Variants in CDC42BPB observed in about 807,000 individuals in gnomAD.
The protein encoded by CDC42BPB is CDC42 binding protein kinase beta, also known as serine/threonine-protein kinase MRCK beta.
A neutral mutation model predicts 214.9 loss-of-function variants in CDC42BPB; 37 were observed. The ratio of observed to expected loss-of-function variants is 0.17; its 90% CI spans 0.13 to 0.23. CDC42BPB has a LOEUF of 0.23. Among genes scored for constraint, CDC42BPB ranks in the 10% least tolerant of loss-of-function variants. The pLI is 1.00. For missense variants in CDC42BPB, 1,694 were observed against 2,227.0 expected (o/e 0.76, Z 4.82); for synonymous variants, 931 against 884.0 (o/e 1.05, Z -0.94).
chr14:103,046,889 G>C (rs1292037607), intron 1 of CDC42BPB, among the ~76,000 whole-genome samples: 1 of 151,866 alleles, frequency 6.6e-6, no homozygotes. Context: ...CCTGAGAGTT[G>C]ATCCACCTGC....
chr14:102,983,883 C>T (rs1009166675), intron 6 of CDC42BPB, 127 bp from the exon 7 acceptor site: 29 of 1,455,038 alleles, frequency 2.0e-5, no homozygotes, highest in South Asian at 5.7e-5. Flanking sequence ...GATGAATGAT[C>T]GTGTTTTTTA....
At chr14:102,997,000 A>G (rs909618341) in intron 5 of CDC42BPB, among the ~76,000 whole-genome samples, 1 of 152,124 alleles carries the variant, frequency 6.6e-6, no homozygotes, top group Non-Finnish European at 1.5e-5. Context: ...GAGGCTAAGG[A>G]AAGGCGCCCA....
At position 103,057,198 on chromosome 14, in the gene CDC42BPB, G is replaced by A; in HGVS notation, c.-25C>T. The A allele has an allele frequency of 7.4e-7, 1 of 1,354,246 alleles. No homozygotes were observed. Among genetic ancestry groups the A allele is most frequent in the Non-Finnish European group, 9.5e-7 (1 of 1,047,394 alleles). 83.9% of individuals were successfully genotyped at this position (1,354,246 alleles called of 1,614,324 possible). A position where few individuals can be genotyped will look rare whatever the true frequency, so the allele number is the denominator to read the frequency against. On this transcript the variant is annotated 5_prime_UTR_variant, in exon 1 of 37. Transcript: ENST00000361246. The stretch of plus-strand genomic sequence containing the variant: ...TGGTGCCGCGCGGCCCGCTCCCGAC[G>A]CGCCGGCCTCTCACCGCCGGCTCGG...
At chr14:103,003,813 C>G in intron 4 of CDC42BPB, 115 bp downstream of exon 4, 2 of 761,574 alleles carry the variant, frequency 2.6e-6, no homozygotes, top group South Asian at 4.0e-5. Context: ...TTATCGAGTC[C>G]AATACACATT....
Position 102,933,805 on chromosome 14 carries a change from A to G in CDC42BPB, c.5043T>C (p.Asn1681=), listed in dbSNP as rs933824918. ...TCGGTGGGCCGCTGGGGTTGGAGCT[A>G]TTCGATGGAGTTGAGTGTTTGGTGG... The part of the protein sequence containing the change: ...SDSTKHSTPS[N]SSNPSGPPSP... The change falls in exon 37 of 37, where the codon AAT becomes AAC. Residue 1681 remains asparagine, a synonymous_variant. Coordinates refer to ENST00000361246, the MANE Select transcript of CDC42BPB (RefSeq NM_006035.4). 7.3e-6 allele frequency: 11 copies of G among 1,514,328 alleles called. No homozygotes were observed. In the African/African-American group the frequency reaches 1.3e-4, roughly 18 times the overall value. The allele number at this position is 1,514,328 out of a possible 1,614,324, so 93.8% of individuals were successfully genotyped here. A position where few individuals can be genotyped will look rare whatever the true frequency, so the allele number is the denominator to read the frequency against.
In CDC42BPB at chr14:102,972,129, G is replaced by C; in HGVS notation, c.1674C>G (p.Ser558=). The change falls in exon 13 of 37, where the codon TCC becomes TCG. Residue 558 remains serine, a synonymous_variant. Coordinates refer to ENST00000361246, the MANE Select transcript of CDC42BPB (RefSeq NM_006035.4). ...QLVEASERLK[S]QAKELKDAHQ... is the part of the protein sequence containing the mutation. ...GGGCATCTTTGAGTTCCTTGGCCTGGGATTTCAACCGCTCTGAGGCTTCAA... is the reference window on the plus strand; with the variant it reads ...GGGCATCTTTGAGTTCCTTGGCCTGCGATTTCAACCGCTCTGAGGCTTCAA... 1 of 1,614,248 alleles carries C rather than the reference G, an allele frequency of 6.2e-7. No homozygotes were observed. Among genetic ancestry groups the C allele is most frequent in the Admixed American group, 1.7e-5 (1 of 60,030 alleles).
chr14:102,979,266 T>C (rs1415935563), intron 8 of CDC42BPB, among the ~76,000 whole-genome samples: 1 of 150,464 alleles, frequency 6.6e-6, no homozygotes, highest in African/African-American at 2.4e-5. Context: ...CAGGCCGGAG[T>C]GCAGTGGCGT....
Position 102,962,692 on chromosome 14 carries a change from A to C in CDC42BPB, c.2821+369T>G, listed in dbSNP as rs1893014737. 2.0e-5 allele frequency among the ~76,000 whole-genome samples: 3 copies of C among 152,008 alleles called. No homozygotes were observed. In the South Asian group the frequency reaches 6.2e-4, roughly 31 times the overall value. On this transcript the variant is annotated intron_variant, in intron 20 of 36. Coordinates refer to ENST00000361246, the MANE Select transcript of CDC42BPB (RefSeq NM_006035.4). ...TGGCAAAACCCCATCTCTACTAAAA[A>C]TACAAAAATTAGCCAGGGGTGGTGG... is the stretch of plus-strand genomic sequence containing the variant.
chr14:102,943,248 A>G lies in CDC42BPB; in HGVS notation c.4408+643T>C, dbSNP rs535759471. 2.0e-5 allele frequency among the ~76,000 whole-genome samples: 3 copies of G among 152,268 alleles called. No individual in the cohort carries two copies. The highest frequency in any genetic ancestry group is 4.1e-4 in the South Asian group (2 of 4,824). On this transcript the variant is annotated intron_variant, in intron 30 of 36. Transcript: ENST00000361246. The surrounding 1 kb of genome is among the most constrained non-coding windows in gnomAD (Gnocchi z 4.6). ...CTCAGTCTCGCACAGTGCTGGGATT[A>G]CAGGTGTGAGCCACCGCTCTCCACC...
At chr14:102,978,015 C>T in intron 9 of CDC42BPB, 111 bp downstream of exon 9, 1 of 776,056 alleles carries the variant, frequency 1.3e-6, no homozygotes, top group Non-Finnish European at 2.2e-6. Context: ...GTAATGGCCT[C>T]CCAGCGCACA....
At chr14:102,934,615 G>A (rs1891556100) in intron 36 of CDC42BPB, among the ~76,000 whole-genome samples, 1 of 151,944 alleles carries the variant, frequency 6.6e-6, no homozygotes, top group South Asian at 2.1e-4. Context: ...AGTCACAAAC[G>A]CGACACTCTT....
intron 1 of CDC42BPB, among the ~76,000 whole-genome samples, chr14:103,016,126 A>C (rs1279499524): frequency 6.6e-6 from 1 of 152,226 alleles, no homozygotes; most frequent in Non-Finnish European, 1.5e-5. Flanking sequence ...CTGAGCTCAA[A>C]GGCAGCCCCA....
intron 5 of CDC42BPB, among the ~76,000 whole-genome samples, chr14:102,997,946 A>C (rs747330068): frequency 1.3e-5 from 2 of 152,218 alleles, no homozygotes; most frequent in Non-Finnish European, 2.9e-5. Context: ...AGAGTTCAAG[A>C]CCAGCCTGGC....
intron 24 of CDC42BPB, among the ~76,000 whole-genome samples, chr14:102,951,418 T>G (rs1234117651): frequency 6.6e-6 from 1 of 152,212 alleles, no homozygotes; most frequent in Non-Finnish European, 1.5e-5. Flanking sequence ...GTTGCTCATC[T>G]GTGAAATGGG....
intron 4 of CDC42BPB, among the ~76,000 whole-genome samples, chr14:103,003,614 G>A (rs1253642641): frequency 1.3e-5 from 2 of 152,188 alleles, no homozygotes; most frequent in African/African-American, 4.8e-5. Flanking sequence ...TCCCCACTGC[G>A]GTTCCTTATT....
chr14:102,997,679 A>C (rs1448371757), intron 5 of CDC42BPB, among the ~76,000 whole-genome samples: 2 of 152,264 alleles, frequency 1.3e-5, no homozygotes, highest in Non-Finnish European at 2.9e-5. Flanking sequence ...TGACAGCTAC[A>C]AAGAAAAGCT....
At chr14:102,989,475 T>C (rs1428331554) in intron 5 of CDC42BPB, among the ~76,000 whole-genome samples, 1 of 152,252 alleles carries the variant, frequency 6.6e-6, no homozygotes, top group Non-Finnish European at 1.5e-5. Flanking sequence ...CATTTATAAT[T>C]GCAAAATATT....
At chr14:103,029,683 C>T (rs1483000536) in intron 1 of CDC42BPB, among the ~76,000 whole-genome samples, 13 of 151,018 alleles carry the variant, frequency 8.6e-5, no homozygotes, top group Non-Finnish European at 1.8e-4. Context: ...GGTGAAACCC[C>T]GTCTCTACTA....
intron 1 of CDC42BPB, among the ~76,000 whole-genome samples, chr14:103,038,487 A>G (rs1887795966): frequency 6.6e-6 from 1 of 152,176 alleles, no homozygotes; most frequent in South Asian, 2.1e-4. Context: ...AGCTGCAGCT[A>G]TACCCAATCA....
Sources: allele counts gnomAD v4.1 joint callset (sites outside exome capture counted in the v4.1 genomes callset), GRCh38; gene constraint gnomAD v4.1.1; non-coding constraint Gnocchi (gnomAD v3.1); transcripts MANE v1.5; gene names NCBI Gene and HGNC (gene_info 2026-07-23, HGNC 2026-07-21).